The following SNRPD1 variants were observed in gnomAD, a reference collection of about 807,000 sequenced individuals.
SNRPD1 encodes the protein small nuclear ribonucleoprotein Sm D1.
In SNRPD1, 1 loss-of-function variant was observed where a neutral mutation model predicts 14.4. The ratio of observed to expected loss-of-function variants is 0.07; its 90% CI spans 0.02 to 0.33. SNRPD1 has a LOEUF of 0.33. SNRPD1 is among the 10% of genes least tolerant of loss of function. SNRPD1 has a pLI of 1.00. For missense variants in SNRPD1, 52 were observed against 146.4 expected (o/e 0.36, Z 3.33); for synonymous variants, 42 against 50.3 (o/e 0.83, Z 0.70).
At chr18:21,620,760 C>CT (rs2038991126) in intron 1 of SNRPD1, among the ~76,000 whole-genome samples, 2 of 152,092 alleles carry the variant, frequency 1.3e-5, no homozygotes, top group Admixed American at 1.3e-4. Context: ...AAACAACAAA[C>CT]TTGAATGACT....
At chr18:21,625,039 T>A (rs1408835579) in intron 3 of SNRPD1, among the ~76,000 whole-genome samples, 2 of 152,146 alleles carry the variant, frequency 1.3e-5, no homozygotes, top group Non-Finnish European at 1.5e-5. Flanking sequence ...ACATTTTTGA[T>A]CCTCAGTTGG....
chr18:21,619,908 C>T (rs1458263630), intron 1 of SNRPD1, among the ~76,000 whole-genome samples: 5 of 152,270 alleles, frequency 3.3e-5, no homozygotes, highest in East Asian at 1.9e-4. Context: ...CCTCAGACTC[C>T]GAGGAGCTGA....
chr18:21,626,852 T>A (rs1318595570), intron 3 of SNRPD1, among the ~76,000 whole-genome samples: 1 of 151,662 alleles, frequency 6.6e-6, no homozygotes, highest in Admixed American at 6.6e-5. Flanking sequence ...ACTGTGTTGC[T>A]CAGGCTGCAG....
Position 21,629,109 on chromosome 18 carries a change from G to A in SNRPD1, c.331G>A (p.Gly111Ser). ...AGGAAGAGGAAGAGGACGTGGCCGT[G>A]GCAGAGGAAGAGGGGGTCCTAGGCG... ...GRGRGRGRGRGRGRGGPRR is the reference protein window; with the variant it reads ...GRGRGRGRGRSRGRGGPRR The change falls in exon 4 of 4, where the codon GGC becomes AGC. Residue 111 changes from glycine (G) to serine (S), a missense_variant. Gly to Ser is a moderately conservative substitution (Grantham distance 56). Coordinates refer to ENST00000300413, the MANE Select transcript of SNRPD1 (RefSeq NM_006938.4). The A allele has an allele frequency of 6.2e-7, 1 of 1,613,822 alleles. No individual in the cohort carries two copies. The highest frequency in any genetic ancestry group is 2.2e-5 in the East Asian group (1 of 44,878).
intron 1 of SNRPD1, among the ~76,000 whole-genome samples, chr18:21,617,604 A>G (rs1444069626): frequency 6.6e-6 from 1 of 152,156 alleles, no homozygotes; most frequent in Non-Finnish European, 1.5e-5. Context: ...ATTGATGAAA[A>G]TCCTTCAGTA....
In SNRPD1 at chr18:21,624,690, CAA is replaced by C. The variant is rs1206974503; in HGVS notation, c.283+762_283+763del. ...TGGGCTACAGAGTGAGACTTTGTCT[CAA>C]AAAAAAAAAATATATATATATATAT... On this transcript the variant is annotated intron_variant, in intron 3 of 3. Transcript: ENST00000300413. Among the ~76,000 whole-genome samples, 1,192 of 138,344 alleles carry C rather than the reference CAA, an allele frequency of 8.6e-3. 19 individuals carry two copies. Among genetic ancestry groups the C allele is most frequent in the African/African-American group, 0.03 (1,148 of 37,786 alleles). 90.8% of individuals were successfully genotyped at this position (138,344 alleles called of 152,430 possible). A position where few individuals can be genotyped will look rare whatever the true frequency, so the allele number is the denominator to read the frequency against.
Position 21,621,175 on chromosome 18 carries a change from A to G in SNRPD1, c.15-1550A>G, listed in dbSNP as rs557836515. Among the ~76,000 whole-genome samples the G allele has an allele frequency of 2.6e-5, 4 of 152,142 alleles. No homozygotes were observed. In the South Asian group the frequency reaches 6.2e-4, roughly 24 times the overall value. ...AGAGCGAGACTCTGTGTCAAAAAAA[A>G]AAGATAAGATATTCAATCTCACAGG... is the stretch of plus-strand genomic sequence containing the variant. On this transcript the variant is annotated intron_variant, in intron 1 of 3. Transcript: ENST00000300413.
intron 1 of SNRPD1, among the ~76,000 whole-genome samples, chr18:21,616,039 G>A (rs2038954615): frequency 6.6e-6 from 1 of 152,206 alleles, no homozygotes. Context: ...AGGCTGGAGT[G>A]CAGTGGCATG....
intron 3 of SNRPD1, among the ~76,000 whole-genome samples, chr18:21,627,434 GTT>G (rs71178190): frequency 0.12 from 11,685 of 96,452 alleles, 265 homozygotes; most frequent in Middle Eastern, 0.2. Flanking sequence ...CTTTTCTTGG[GTT>G]TTTTTTTTTT....
At chr18:21,627,502 C>T (rs573704969) in intron 3 of SNRPD1, among the ~76,000 whole-genome samples, 20 of 140,940 alleles carry the variant, frequency 1.4e-4, no homozygotes, top group Admixed American at 6.6e-4. Flanking sequence ...TGCCATGGCG[C>T]GATCTCCACT....
chr18:21,614,422 C>G (rs1455796463), intron 1 of SNRPD1, among the ~76,000 whole-genome samples: 1 of 152,048 alleles, frequency 6.6e-6, no homozygotes, highest in Non-Finnish European at 1.5e-5. Flanking sequence ...TTTTTAATAC[C>G]TGTACTGAAT....
intron 1 of SNRPD1, among the ~76,000 whole-genome samples, chr18:21,615,897 C>G (rs988254593): frequency 6.6e-6 from 1 of 152,194 alleles, no homozygotes; most frequent in Non-Finnish European, 1.5e-5. Flanking sequence ...CACATCCTCA[C>G]CAGTATGTGG....
At chr18:21,626,517 G>T (rs1046799283) in intron 3 of SNRPD1, among the ~76,000 whole-genome samples, 4 of 151,950 alleles carry the variant, frequency 2.6e-5, no homozygotes, top group Non-Finnish European at 5.9e-5. Context: ...TGGGCCAGGT[G>T]TGGTGGCTCA....
intron 1 of SNRPD1, among the ~76,000 whole-genome samples, chr18:21,622,331 G>A (rs1368840334): frequency 6.6e-5 from 10 of 151,946 alleles, no homozygotes; most frequent in African/African-American, 1.7e-4. Context: ...TAGTAGAGAC[G>A]GGGTTTCACC....
At position 21,622,905 on chromosome 18, in the gene SNRPD1, T is replaced by A. The variant is rs148995863; in HGVS notation, c.91+104T>A. ...TGAACATTATTGTAGTACAAATCCTTATTTTTTTTGTCTGAATTATGTAAT... is the reference window on the plus strand; with the variant it reads ...TGAACATTATTGTAGTACAAATCCTAATTTTTTTTGTCTGAATTATGTAAT... On this transcript the variant is annotated intron_variant, in intron 2 of 3. Transcript: ENST00000300413. 5.5e-4 allele frequency: 316 copies of A among 569,372 alleles called. 4 individuals carry two copies. In the African/African-American group the frequency reaches 5.9e-3, roughly 11 times the overall value. 35.3% of individuals were successfully genotyped at this position (569,372 alleles called of 1,614,324 possible). A position where few individuals can be genotyped will look rare whatever the true frequency, so the allele number is the denominator to read the frequency against.
At position 21,630,821 on chromosome 18, in the gene SNRPD1, TATAA is replaced by T. The variant is rs1458616945; in HGVS notation, c.*1687_*1690del. On this transcript the variant is annotated 3_prime_UTR_variant, in exon 4 of 4. Transcript: ENST00000300413. Reference sequence around the variant, plus strand: ...ATATATATATGTATTTATACTAATATATAAATATATACTAATAGATATATTAGTA... The same window carrying T: ...ATATATATATGTATTTATACTAATATATATATACTAATAGATATATTAGTA... The T allele has an allele frequency of 6.7e-6, 1 of 148,326 alleles. No homozygotes were observed. The highest frequency in any genetic ancestry group is 2.4e-5 in the African/African-American group (1 of 40,844). The allele number at this position is 148,326 out of a possible 1,614,324, so 9.2% of individuals were successfully genotyped here.
In SNRPD1 at chr18:21,629,802, TC is replaced by T. The variant is rs1275716650; in HGVS notation, c.*665del. On this transcript the variant is annotated 3_prime_UTR_variant, in exon 4 of 4. Coordinates refer to ENST00000300413, the MANE Select transcript of SNRPD1 (RefSeq NM_006938.4). Reference sequence around the variant, plus strand: ...ACAATATATATAGGATATATACCCTTCTACTTCACATGCACTGAATATGCAT... The same window carrying T: ...ACAATATATATAGGATATATACCCTTTACTTCACATGCACTGAATATGCAT... The T allele has an allele frequency of 6.6e-6, 1 of 152,206 alleles. No homozygotes were observed. Among genetic ancestry groups the T allele is most frequent in the African/African-American group, 2.4e-5 (1 of 41,452 alleles). 9.4% of individuals were successfully genotyped at this position (152,206 alleles called of 1,614,324 possible). A position where few individuals can be genotyped will look rare whatever the true frequency, so the allele number is the denominator to read the frequency against.
chr18:21,614,807 A>G (rs1026952986), intron 1 of SNRPD1, among the ~76,000 whole-genome samples: 1 of 152,218 alleles, frequency 6.6e-6, no homozygotes, highest in Non-Finnish European at 1.5e-5. Context: ...GAATTCAGAC[A>G]GTGAAAGATT....
intron 1 of SNRPD1, among the ~76,000 whole-genome samples, chr18:21,621,340 G>A (rs946691160): frequency 1.3e-5 from 2 of 152,188 alleles, no homozygotes; most frequent in Non-Finnish European, 1.5e-5. Context: ...GTCAACAGGC[G>A]GTAATAAATT....
Sources: allele counts gnomAD v4.1 joint callset (sites outside exome capture counted in the v4.1 genomes callset), GRCh38; gene constraint gnomAD v4.1.1; transcripts MANE v1.5; gene names NCBI Gene and HGNC (gene_info 2026-07-23, HGNC 2026-07-21).